C6: variants seen among roughly 807,000 people sequenced by gnomAD.
C6 encodes the protein complement component C6.
A neutral mutation model predicts 112.9 loss-of-function variants in C6; 101 were observed. That is an observed-to-expected ratio of 0.89 (90% CI 0.76 to 1.06). The LOEUF (loss-of-function observed/expected upper bound fraction) is 1.06. Among genes scored for constraint, C6 ranks in the 50% least tolerant of loss-of-function variants. The pLI is 0.00. For synonymous variants in C6, 431 were observed against 384.1 expected, an observed-to-expected ratio of 1.12 and a Z score of -1.43; for missense variants, 1,202 against 1,104.6, an observed-to-expected ratio of 1.09 and a Z score of -1.25.
chr5:41,208,603 A>G (rs2150383530), intron 1 of C6, among the ~76,000 whole-genome samples: 1 of 152,368 alleles, frequency 6.6e-6, no homozygotes, highest in South Asian at 2.1e-4. Context: ...CTCTACACAA[A>G]TAAACTAGAA....
At chr5:41,192,464 C>G (rs1434157347) in intron 5 of C6, among the ~76,000 whole-genome samples, 2 of 152,098 alleles carry the variant, frequency 1.3e-5, no homozygotes, top group African/African-American at 4.8e-5. Flanking sequence ...GGTATTAGTT[C>G]TTACAAAGTT....
chr5:41,208,049 C>T (rs1201942193), intron 1 of C6, among the ~76,000 whole-genome samples: 1 of 152,182 alleles, frequency 6.6e-6, no homozygotes, highest in Non-Finnish European at 1.5e-5. Flanking sequence ...TGCAATCAAA[C>T]TAGAACTCAG....
chr5:41,240,918 G>A (rs1561200369), intron 1 of C6, among the ~76,000 whole-genome samples: 1 of 152,154 alleles, frequency 6.6e-6, no homozygotes, highest in African/African-American at 2.4e-5. Flanking sequence ...TCCAAATTGC[G>A]TGCTCGGATG....
At chr5:41,177,137 G>T (rs765684821) in intron 7 of C6, among the ~76,000 whole-genome samples, 2 of 152,194 alleles carry the variant, frequency 1.3e-5, no homozygotes, top group Non-Finnish European at 2.9e-5. Flanking sequence ...TTATGCAAGT[G>T]AGATTCAAGT....
At chr5:41,155,374 GT>G (rs1036120793) in intron 13 of C6, among the ~76,000 whole-genome samples, 1 of 151,976 alleles carries the variant, frequency 6.6e-6, no homozygotes, top group African/African-American at 2.4e-5. Context: ...GGTTTTGTTT[GT>G]TTGTTTTTTT....
chr5:41,153,484 C>A (rs998222134), intron 15 of C6, among the ~76,000 whole-genome samples: 1 of 152,098 alleles, frequency 6.6e-6, no homozygotes, highest in Non-Finnish European at 1.5e-5. Context: ...CTAGTGAAAC[C>A]AAGACACAAT....
intron 7 of C6, 32 bp downstream of exon 7, chr5:41,181,327 A>C: frequency 6.3e-7 from 1 of 1,584,214 alleles, no homozygotes; most frequent in East Asian, 2.2e-5. Flanking sequence ...ATTTTCAAGA[A>C]AGAATAAAAG....
chr5:41,252,572 G>A (rs1176246201), intron 1 of C6, among the ~76,000 whole-genome samples: 1 of 152,190 alleles, frequency 6.6e-6, no homozygotes, highest in Non-Finnish European at 1.5e-5. Flanking sequence ...ACCTCAAAAT[G>A]TAATTCTTTG....
chr5:41,164,568 C>G lies in C6; in HGVS notation c.1292-2709G>C, dbSNP rs373112975. Among the ~76,000 whole-genome samples, 9 of 152,190 alleles carry G rather than the reference C, an allele frequency of 5.9e-5. No individual in the cohort carries two copies. The East Asian group carries it at 1.5e-3, about 26-fold the overall frequency. ...TCAGGTTTAGAAACAATTGCATTCC[C>G]TAGAAACAATGAAAGGTTTTGAGGT... On this transcript the variant is annotated intron_variant, in intron 9 of 17. Transcript: ENST00000337836.
At chr5:41,212,989 A>C (rs1045588150) in intron 1 of C6, 1 of 150,512 alleles carries the variant, frequency 6.6e-6, no homozygotes, top group Non-Finnish European at 1.5e-5. Context: ...AACTTACTGA[A>C]TTTCTTATTT....
chr5:41,200,352 G>A (rs1300956095), intron 3 of C6, among the ~76,000 whole-genome samples: 1 of 152,166 alleles, frequency 6.6e-6, no homozygotes, highest in Non-Finnish European at 1.5e-5. Context: ...CAATGCGAAT[G>A]TAGTCTACAC....
intron 6 of C6, among the ~76,000 whole-genome samples, chr5:41,183,527 T>A: frequency 6.6e-6 from 1 of 152,182 alleles, no homozygotes; most frequent in East Asian, 1.9e-4. Context: ...AATACACTGT[T>A]GGTGAGAATG....
chr5:41,212,696 A>G (rs1282269289), intron 1 of C6, among the ~76,000 whole-genome samples: 6 of 152,172 alleles, frequency 3.9e-5, no homozygotes, highest in African/African-American at 1.2e-4. Context: ...CTTCAGTGCC[A>G]TCGTAGAAAA....
At chr5:41,235,078 T>G (rs200692233) in intron 1 of C6, among the ~76,000 whole-genome samples, 37 of 19,416 alleles carry the variant, frequency 1.9e-3, no homozygotes, top group African/African-American at 4.3e-3. Flanking sequence ...TTTTTTAATG[T>G]TTTTTTTTTT....
intron 1 of C6, among the ~76,000 whole-genome samples, chr5:41,212,350 G>A (rs112248907): frequency 6.6e-6 from 1 of 151,834 alleles, no homozygotes; most frequent in African/African-American, 2.4e-5. Flanking sequence ...TAGTGAACTC[G>A]GGGTTTCACC....
rs773041510 is a variant in C6, at chr5:41,150,009, T to C, written c.2307A>G (p.Leu769=). Residue 769 remains leucine, a synonymous_variant, in exon 16 of 18, where the codon TTA becomes TTG. Transcript: ENST00000337836. ...LTCEKDTLTK[L]KGHCQLGQKQ... is the part of the protein sequence containing the mutation. The stretch of plus-strand genomic sequence containing the variant: ...TCTGTCCCAGCTGACAATGGCCTTT[T>C]AATTTTGTTAGAGTATCTGAAACAA... 2 of 1,610,954 alleles carry C rather than the reference T, an allele frequency of 1.2e-6. No homozygotes were observed.
At chr5:41,192,066 T>A (rs986459456) in intron 5 of C6, among the ~76,000 whole-genome samples, 2 of 152,162 alleles carry the variant, frequency 1.3e-5, no homozygotes, top group Non-Finnish European at 2.9e-5. Flanking sequence ...CTTTATTGTG[T>A]TAAGTTTCTT....
chr5:41,211,464 C>T (rs768812007), intron 1 of C6, among the ~76,000 whole-genome samples: 4 of 152,100 alleles, frequency 2.6e-5, no homozygotes, highest in Non-Finnish European at 4.4e-5. Context: ...CTCGCCTTTC[C>T]TGGTTTTCCT....
chr5:41,178,420 G>T (rs1174913579), intron 7 of C6, among the ~76,000 whole-genome samples: 1 of 150,912 alleles, frequency 6.6e-6, no homozygotes, highest in Non-Finnish European at 1.5e-5. Flanking sequence ...TCTACTTGAA[G>T]ACTAAGAGAG....
Sources: gnomAD v4.1 joint callset for allele counts (sites outside exome capture counted in the v4.1 genomes callset) on GRCh38, gnomAD v4.1.1 for gene constraint, MANE v1.5 for transcripts, NCBI Gene and HGNC (gene_info 2026-07-23, HGNC 2026-07-21) for gene names.